DCHS2: variants seen among roughly 807,000 people sequenced by gnomAD.
DCHS2 encodes dachsous cadherin-related 2, also known as protocadherin-23.
Under a neutral mutation model 182.4 loss-of-function variants are expected in DCHS2, and 142 were observed. The ratio of observed to expected loss-of-function variants is 0.78; its 90% CI spans 0.68 to 0.89. The LOEUF is 0.89. Among genes scored for constraint, DCHS2 ranks in the 40% least tolerant of loss-of-function variants. The pLI is 0.00. For synonymous variants in DCHS2, 1,740 were observed against 1,663.3 expected (o/e 1.05, Z -1.12); for missense variants, 4,319 against 4,198.6 (o/e 1.03, Z -0.79).
rs1309420088 is a variant in DCHS2 at position 154,259,660 on chromosome 4, T to C, written c.6674A>G (p.Tyr2225Cys). The C allele has an allele frequency of 1.2e-6, 2 of 1,613,996 alleles. No homozygotes were observed. Among genetic ancestry groups the C allele is most frequent in the Non-Finnish European group, 1.7e-6 (2 of 1,180,030 alleles). Residue 2225 changes from tyrosine (Y) to cysteine (C), a missense_variant, in exon 15 of 20, where the codon TAT becomes TGT. Tyr to Cys is a radical substitution (Grantham distance 194, BLOSUM62 -2). Transcript: ENST00000357232. ...VLAESSGHRA[Y>C]CKVAVLIQDE... ...CTGTATCAAGACTGCTACTTTGCAA[T>C]AGGCTCTATGCCCACTACTTTCAGC...
At chr4:154,412,250 A>C (rs955510016) in intron 1 of DCHS2, among the ~76,000 whole-genome samples, 4 of 152,206 alleles carry the variant, frequency 2.6e-5, no homozygotes, top group Non-Finnish European at 1.5e-5. Flanking sequence ...GCATGTCTCT[A>C]AAGAAGCATC....
chr4:154,265,929 T>C (rs1733233321), intron 14 of DCHS2, among the ~76,000 whole-genome samples: 1 of 152,202 alleles, frequency 6.6e-6, no homozygotes, highest in Non-Finnish European at 1.5e-5. Flanking sequence ...ATATATACTA[T>C]GCTTTTTTCT....
intron 1 of DCHS2, among the ~76,000 whole-genome samples, chr4:154,429,800 T>C (rs192881428): frequency 2.0e-5 from 3 of 152,238 alleles, no homozygotes; most frequent in African/African-American, 7.2e-5. Flanking sequence ...CATCATCCAG[T>C]AGTGAGTAGC....
chr4:154,268,726 T>C (rs1453693720), intron 14 of DCHS2, among the ~76,000 whole-genome samples: 2 of 152,186 alleles, frequency 1.3e-5, no homozygotes, highest in African/African-American at 4.8e-5. Flanking sequence ...ACATACCATC[T>C]GGCAGATATT....
Position 154,490,302 on chromosome 4 carries a change from C to A in DCHS2, c.1054G>T (p.Asp352Tyr), listed in dbSNP as rs1187655689. ...GAGSGGGALG[D>Y]AAYFAVEELS... ...TCCTCCACCGCGAAGTAGGCCGCGT[C>A]GCCCAGTGCCCCGCCGCCGCTACCC... The change falls in exon 1 of 20, where the codon GAC becomes TAC. Residue 352 changes from aspartate (D) to tyrosine (Y), a missense_variant. By Grantham distance (160) the Asp-to-Tyr change is radical (BLOSUM62 -3). Coordinates refer to ENST00000357232, the MANE Select transcript of DCHS2 (RefSeq NM_001358235.2). 4.5e-6 allele frequency: 7 copies of A among 1,546,462 alleles called. No individual in the cohort carries two copies. Among genetic ancestry groups the A allele is most frequent in the Non-Finnish European group, 5.2e-6 (6 of 1,146,542 alleles).
At chr4:154,387,577 A>G (rs1313176285) in intron 1 of DCHS2, among the ~76,000 whole-genome samples, 2 of 152,178 alleles carry the variant, frequency 1.3e-5, no homozygotes, top group Admixed American at 6.5e-5. Context: ...AAATCATTTA[A>G]AGTACAAAGA....
chr4:154,385,590 C>T (rs140538418), intron 1 of DCHS2, among the ~76,000 whole-genome samples: 2,006 of 152,134 alleles, frequency 0.013, 20 homozygotes, highest in Non-Finnish European at 0.02. Flanking sequence ...TGGGTTCAAG[C>T]GATTCTCCTG....
At chr4:154,428,677 G>A (rs2110929894) in intron 1 of DCHS2, among the ~76,000 whole-genome samples, 1 of 152,210 alleles carries the variant, frequency 6.6e-6, no homozygotes, top group East Asian at 1.9e-4. Context: ...AAGGCGGGTG[G>A]ATCATTTGAG....
intron 7 of DCHS2, among the ~76,000 whole-genome samples, chr4:154,324,497 G>A (rs957567137): frequency 2.0e-5 from 3 of 152,124 alleles, no homozygotes; most frequent in Non-Finnish European, 4.4e-5. Flanking sequence ...CCTTTTCAGT[G>A]CACGGAGAAT....
chr4:154,238,021 A>G (rs1332171452), intron 19 of DCHS2, among the ~76,000 whole-genome samples: 1 of 152,166 alleles, frequency 6.6e-6, no homozygotes, highest in African/African-American at 2.4e-5. Flanking sequence ...TGTCAATAGC[A>G]CATGTCAAGT....
chr4:154,358,070 T>G (rs1381722555), intron 3 of DCHS2, among the ~76,000 whole-genome samples: 1 of 152,148 alleles, frequency 6.6e-6, no homozygotes, highest in Non-Finnish European at 1.5e-5. Context: ...TTATCAACAT[T>G]TTATACCATT....
At chr4:154,322,214 A>AACAT (rs1232246827) in intron 8 of DCHS2, 117 bp downstream of exon 8, 5 of 1,375,000 alleles carry the variant, frequency 3.6e-6, no homozygotes, top group African/African-American at 1.5e-5. Flanking sequence ...GTATTCATGT[A>AACAT]ACATACATAC....
At chr4:154,276,068 A>C (rs1439888945) in intron 13 of DCHS2, among the ~76,000 whole-genome samples, 1 of 152,146 alleles carries the variant, frequency 6.6e-6, no homozygotes, top group Admixed American at 6.6e-5. Context: ...AAAATAACTT[A>C]AGGGACTTGA....
Position 154,237,133 on chromosome 4 carries a change from A to G in DCHS2, c.7519T>C (p.Leu2507=). 1 of 1,612,554 alleles carries G rather than the reference A, an allele frequency of 6.2e-7. No homozygotes were observed. The highest frequency in any genetic ancestry group is 8.5e-7 in the Non-Finnish European group (1 of 1,179,534). ...NGTIFTISPV[L]LLDTISTTQF... is the part of the protein sequence containing the mutation. ...GTTGTTGATATTGTATCCAGAAGTA[A>G]TACGGGACTGATAGTAAATATTGTG... The change falls in exon 20 of 20, where the codon TTA becomes CTA. Residue 2507 remains leucine, a synonymous_variant. Coordinates refer to ENST00000357232, the MANE Select transcript of DCHS2 (RefSeq NM_001358235.2).
chr4:154,420,053 G>T lies in DCHS2; in HGVS notation c.2053-42609C>A, dbSNP rs544067470. On this transcript the variant is annotated intron_variant, in intron 1 of 19. Transcript: ENST00000357232. ...AGAAGGTAAATTAGATAAGTTAGGA[G>T]ATTGTTAGTTTAACACAGGTAGAAA... is the stretch of plus-strand genomic sequence containing the variant. 2.6e-5 allele frequency among the ~76,000 whole-genome samples: 4 copies of T among 152,214 alleles called. No homozygotes were observed. The South Asian group carries it at 8.3e-4, about 32-fold the overall frequency.
At chr4:154,472,726 T>G (rs556274443) in intron 1 of DCHS2, among the ~76,000 whole-genome samples, 50 of 152,086 alleles carry the variant, frequency 3.3e-4, no homozygotes, top group Admixed American at 1.2e-3. Context: ...ATATTAAATA[T>G]GTAGGTTTCA....
chr4:154,253,125 C>T (rs1280076566), intron 16 of DCHS2, among the ~76,000 whole-genome samples: 2 of 151,268 alleles, frequency 1.3e-5, no homozygotes, highest in African/African-American at 4.9e-5. Flanking sequence ...GGGGAGAGCC[C>T]AGGGAGGAAG....
intron 10 of DCHS2, among the ~76,000 whole-genome samples, chr4:154,311,170 A>C (rs1735657529): frequency 6.6e-6 from 1 of 152,172 alleles, no homozygotes; most frequent in Non-Finnish European, 1.5e-5. Flanking sequence ...CTCTTCCTCA[A>C]ACTATGGGGA....
rs1379603644 is a variant in DCHS2, at chr4:154,235,350, G to A, written c.9302C>T (p.Thr3101Ile). 2.5e-6 allele frequency: 4 copies of A among 1,613,914 alleles called. No individual in the cohort carries two copies. Among genetic ancestry groups the A allele is most frequent in the Non-Finnish European group, 2.5e-6 (3 of 1,179,978 alleles). ...CCTCTGGATTTCCTTATCTTCTGCA[G>A]TTTCTCCTTCCACAGAACAGTGGCC... ...SSGHCSVEGE[T>I]AEDKEIQRIN... Residue 3101 changes from threonine (T) to isoleucine (I), a missense_variant, in exon 20 of 20, where the codon ACT becomes ATT. Coordinates refer to ENST00000357232, the MANE Select transcript of DCHS2 (RefSeq NM_001358235.2).
Sources: allele counts gnomAD v4.1 joint callset (sites outside exome capture counted in the v4.1 genomes callset), GRCh38; gene constraint gnomAD v4.1.1; transcripts MANE v1.5; gene names NCBI Gene and HGNC (gene_info 2026-07-23, HGNC 2026-07-21).